ABCA1: variants seen among roughly 807,000 people sequenced by gnomAD.
The protein encoded by ABCA1 is phospholipid-transporting ATPase ABCA1.
In ABCA1, 133 loss-of-function variants were observed where a neutral mutation model predicts 262.5. The ratio of observed to expected loss-of-function variants is 0.51; its 90% confidence interval spans 0.44 to 0.59. The LOEUF (loss-of-function observed/expected upper bound fraction) is 0.59. ABCA1 is among the 20% of genes least tolerant of loss of function. The probability of loss-of-function intolerance (pLI) is 0.00; values close to 1 mark genes in which losing one functional copy is unlikely to be tolerated. For missense variants in ABCA1, 2,452 were observed against 2,777.5 expected, an observed-to-expected ratio of 0.88 and a Z score of 2.63; for synonymous variants, 1,022 against 1,043.5, an observed-to-expected ratio of 0.98 and a Z score of 0.40.
At chr9:104,879,031 C>A (rs151120984) in intron 5 of ABCA1, among the ~76,000 whole-genome samples, 1 of 151,126 alleles carries the variant, frequency 6.6e-6, no homozygotes, top group Non-Finnish European at 1.5e-5. Flanking sequence ...GCCAAGATTG[C>A]GCCACTGCAC....
At chr9:104,889,618 C>T (rs1182230727) in intron 2 of ABCA1, among the ~76,000 whole-genome samples, 1 of 152,184 alleles carries the variant, frequency 6.6e-6, no homozygotes, top group Admixed American at 6.5e-5. Flanking sequence ...GCACATTGAG[C>T]ACTCTGAAAG....
intron 1 of ABCA1, among the ~76,000 whole-genome samples, chr9:104,926,478 A>C (rs947307610): frequency 2.5e-4 from 37 of 150,180 alleles, no homozygotes; most frequent in Admixed American, 1.2e-3. Flanking sequence ...AACAAAAAAA[A>C]AAAAACAAAA....
intron 37 of ABCA1, 35 bp downstream of exon 37, chr9:104,798,386 G>C: frequency 6.2e-7 from 1 of 1,609,202 alleles, no homozygotes; most frequent in Non-Finnish European, 8.5e-7. Flanking sequence ...GGCCCTGACA[G>C]ACATCAGAAA....
intron 11 of ABCA1, 81 bp from the exon 12 acceptor site, chr9:104,832,852 A>G: frequency 2.3e-6 from 3 of 1,314,232 alleles, no homozygotes; most frequent in Non-Finnish European, 3.3e-6. Context: ...AAATACTTGC[A>G]TATACACTGT....
intron 5 of ABCA1, among the ~76,000 whole-genome samples, chr9:104,880,148 T>A (rs1444328947): frequency 2.0e-5 from 3 of 151,968 alleles, no homozygotes; most frequent in Non-Finnish European, 4.4e-5. Flanking sequence ...AGGAGGTGAA[T>A]GAGGACAAAG....
intron 4 of ABCA1, 149 bp from the exon 5 acceptor site, chr9:104,883,306 C>A: frequency 2.8e-6 from 2 of 726,318 alleles, no homozygotes; most frequent in Non-Finnish European, 5.0e-6. Context: ...GCTCCCCACA[C>A]CCAGCTCCAT....
chr9:104,869,547 A>AC (rs1837409823), intron 5 of ABCA1, among the ~76,000 whole-genome samples: 1 of 152,164 alleles, frequency 6.6e-6, no homozygotes, highest in African/African-American at 2.4e-5. Context: ...CTTCTTGAAG[A>AC]ATAGACGATG....
chr9:104,881,353 A>G (rs1838635888), intron 5 of ABCA1, among the ~76,000 whole-genome samples: 1 of 152,166 alleles, frequency 6.6e-6, no homozygotes, highest in Non-Finnish European at 1.5e-5. Context: ...TTTATTGGGA[A>G]TCTACTATGT....
intron 1 of ABCA1, among the ~76,000 whole-genome samples, chr9:104,927,190 A>C (rs1245252058): frequency 6.6e-6 from 1 of 150,608 alleles, no homozygotes; most frequent in African/African-American, 2.4e-5. Context: ...AGCCTGGGCG[A>C]CAGACCGAGA....
At chr9:104,897,931 C>T (rs1480013837) in intron 2 of ABCA1, among the ~76,000 whole-genome samples, 1 of 152,186 alleles carries the variant, frequency 6.6e-6, no homozygotes, top group Admixed American at 6.5e-5. Flanking sequence ...CTCTCTTCAT[C>T]TGTGAAACAG....
intron 1 of ABCA1, among the ~76,000 whole-genome samples, chr9:104,905,210 G>C (rs191964624): frequency 1.3e-4 from 20 of 152,320 alleles, no homozygotes; most frequent in Non-Finnish European, 1.5e-5. Context: ...GAGGAACAAG[G>C]AGCAGAAGGA....
Position 104,783,669 on chromosome 9 carries a change from A to G in ABCA1, c.*646T>C, listed in dbSNP as rs1828672811. On this transcript the variant is annotated 3_prime_UTR_variant, in exon 50 of 50. Transcript: ENST00000374736. ...CATGTTACTGCCACCAGAACAGCTT[A>G]TCAGAGGGAATCAAAGCAGGATGTT... 1 of 153,056 alleles carries G rather than the reference A, an allele frequency of 6.5e-6. No homozygotes were observed. Among genetic ancestry groups the G allele is most frequent in the Non-Finnish European group, 1.5e-5 (1 of 68,654 alleles). The allele number at this position is 153,056 out of a possible 1,614,324, so 9.5% of individuals were successfully genotyped here. A position where few individuals can be genotyped will look rare whatever the true frequency, so the allele number is the denominator to read the frequency against.
chr9:104,826,287 T>C (rs1832807234), intron 16 of ABCA1, among the ~76,000 whole-genome samples: 1 of 152,198 alleles, frequency 6.6e-6, no homozygotes, highest in Non-Finnish European at 1.5e-5. Flanking sequence ...TGCTGATGCC[T>C]ATGAAGCCCA....
rs748838546 is a variant in ABCA1, at chr9:104,897,300, T to G, written c.66+6314A>C. 4.6e-5 allele frequency among the ~76,000 whole-genome samples: 7 copies of G among 152,170 alleles called. No homozygotes were observed. In the South Asian group the frequency reaches 6.2e-4, roughly 14 times the overall value. On this transcript the variant is annotated intron_variant, in intron 2 of 49. Transcript: ENST00000374736. ...GTCTCATGCATTGATGGTGGCTATT[T>G]AAATTGGTTGGATCCTCTGGAAAGA... is the stretch of plus-strand genomic sequence containing the variant.
At chr9:104,796,546 T>C in intron 37 of ABCA1, 122 bp from the exon 38 acceptor site, 1 of 770,208 alleles carries the variant, frequency 1.3e-6, no homozygotes, top group South Asian at 1.5e-5. Flanking sequence ...AACTCTGAAT[T>C]AATGAAGCCA....
intron 7 of ABCA1, 141 bp from the exon 8 acceptor site, chr9:104,845,710 C>T (rs781219365): frequency 3.1e-6 from 2 of 650,576 alleles, no homozygotes; most frequent in South Asian, 1.7e-5. Flanking sequence ...ACTAAAGACA[C>T]TACAATTATT....
At chr9:104,886,319 A>T (rs1175708152) in intron 3 of ABCA1, among the ~76,000 whole-genome samples, 1 of 152,150 alleles carries the variant, frequency 6.6e-6, no homozygotes, top group Non-Finnish European at 1.5e-5. Context: ...TTTGCATTTC[A>T]ATATAGGGTC....
In ABCA1 at chr9:104,809,545, T is replaced by A. The variant is rs538614702; in HGVS notation, c.4195A>T (p.Thr1399Ser). 154 of 1,614,204 alleles carry A rather than the reference T, an allele frequency of 9.5e-5. 1 individual carries two copies. The South Asian group carries it at 1.6e-3, about 17-fold the overall frequency. Residue 1399 changes from threonine to serine, a missense_variant, in exon 30 of 50, where the codon ACG (threonine) becomes TCG (serine). Thr to Ser is a moderately conservative substitution (Grantham distance 58, BLOSUM62 1). Transcript: ENST00000374736. ...TFVSNDAPEDTGTLELLNALT... is the reference protein window; with the variant it reads ...TFVSNDAPEDSGTLELLNALT... ...GCGTTTAAGAGTTCCAGGGTTCCCG[T>A]GTCCTCAGGAGCATCATTGCTGTGG...
intron 3 of ABCA1, among the ~76,000 whole-genome samples, chr9:104,885,570 C>T (rs1349721753): frequency 6.6e-6 from 1 of 152,108 alleles, no homozygotes; most frequent in Non-Finnish European, 1.5e-5. Context: ...AACAATGAGG[C>T]CCCATGCACT....
Sources: gnomAD v4.1 joint callset for allele counts (sites outside exome capture counted in the v4.1 genomes callset) on GRCh38, gnomAD v4.1.1 for gene constraint, MANE v1.5 for transcripts, NCBI Gene and HGNC (gene_info 2026-07-23, HGNC 2026-07-21) for gene names.